Variants in ITSN2 observed in about 807,000 individuals in gnomAD.
The protein encoded by ITSN2 is intersectin 2.
ITSN2 carries 156 observed loss-of-function variants against 243.7 expected under a neutral mutation model. The ratio of observed to expected loss-of-function variants is 0.64; its 90% confidence interval spans 0.56 to 0.73. The LOEUF is 0.73. Among genes scored for constraint, ITSN2 ranks in the 30% least tolerant of loss-of-function variants. The pLI, the probability that ITSN2 is intolerant of heterozygous loss-of-function variation, is 0.00. For missense variants in ITSN2, 1,801 were observed against 1,996.1 expected (o/e 0.90, Z 1.86); for synonymous variants, 703 against 699.9 (o/e 1.00, Z -0.07).
chr2:24,284,122 G>A (rs968272097), intron 17 of ITSN2, among the ~76,000 whole-genome samples: 1 of 152,122 alleles, frequency 6.6e-6, no homozygotes, highest in Admixed American at 6.6e-5. Flanking sequence ...GAGTCAGCAA[G>A]CAGTAAACAT....
Position 24,204,470 on chromosome 2 carries a change from C to T in ITSN2, c.4763-52G>A, listed in dbSNP as rs753707947. On this transcript the variant is annotated intron_variant, in intron 38 of 39. Transcript: ENST00000355123. The surrounding 1 kb of genome is among the most constrained non-coding windows in gnomAD (Gnocchi z 5.1). The stretch of plus-strand genomic sequence containing the variant: ...TGTGGTGCATGCAGGTAAAACGAAG[C>T]GACTGACAGTGCCCTCCCTGAGCAG... 3.3e-5 allele frequency: 51 copies of T among 1,532,880 alleles called. No homozygotes were observed. The East Asian group carries it at 5.6e-4, about 17-fold the overall frequency. The allele number at this position is 1,532,880 out of a possible 1,614,324, so 95.0% of individuals were successfully genotyped here.
intron 36 of ITSN2, among the ~76,000 whole-genome samples, chr2:24,208,581 C>T (rs1010903800): frequency 2.6e-5 from 4 of 152,202 alleles, no homozygotes; most frequent in East Asian, 3.8e-4. Flanking sequence ...ATTGGCCCCA[C>T]GGATGATACC....
At chr2:24,270,878 A>G in intron 19 of ITSN2, 110 bp from the exon 20 acceptor site, 1 of 609,126 alleles carries the variant, frequency 1.6e-6, no homozygotes, top group South Asian at 2.2e-5. Flanking sequence ...CAAATACTAC[A>G]ATGAAAATCC....
At chr2:24,209,072 AG>A in intron 36 of ITSN2, 27 bp downstream of exon 36, 1 of 1,611,894 alleles carries the variant, frequency 6.2e-7, no homozygotes, top group Non-Finnish European at 8.5e-7. Flanking sequence ...CCAGAGTTCA[AG>A]GCAGGCCACA....
rs116737077 is a variant in ITSN2, at chr2:24,253,944, A to G, written c.2953+423T>C. 4.9e-3 allele frequency among the ~76,000 whole-genome samples: 739 copies of G among 152,312 alleles called. 10 individuals carry two copies. The highest frequency in any genetic ancestry group is 0.017 in the African/African-American group (721 of 41,582). On this transcript the variant is annotated intron_variant, in intron 24 of 39. Transcript: ENST00000355123. ...AATCAAACAACCCAAAGGGATATAG[A>G]AAAAAATTCTTTGCAATACTTATGA...
rs796148015 is a variant in ITSN2, at chr2:24,211,860, C to A, written c.4089+790G>T. 5.9e-5 allele frequency among the ~76,000 whole-genome samples: 9 copies of A among 152,260 alleles called. No individual in the cohort carries two copies. Among genetic ancestry groups the A allele is most frequent in the African/African-American group, 2.2e-4 (9 of 41,542 alleles). Reference sequence around the variant, plus strand: ...CCGAATTCTGAAACACATCTGGCCCCAAGTATTTCAATGAAGGGGCTGTGA... The same window carrying A: ...CCGAATTCTGAAACACATCTGGCCCAAAGTATTTCAATGAAGGGGCTGTGA... On this transcript the variant is annotated intron_variant, in intron 33 of 39. Coordinates refer to ENST00000355123, the MANE Select transcript of ITSN2 (RefSeq NM_006277.3). The surrounding 1 kb of genome is among the most constrained non-coding windows in gnomAD (Gnocchi z 4.1).
intron 31 of ITSN2, among the ~76,000 whole-genome samples, chr2:24,217,681 AT>A (rs564073111): frequency 1.3e-5 from 2 of 152,122 alleles, no homozygotes. Flanking sequence ...TAATGATTTA[AT>A]TTTTTCTTTA....
chr2:24,313,087 T>C, intron 4 of ITSN2, among the ~76,000 whole-genome samples: 1 of 150,990 alleles, frequency 6.6e-6, no homozygotes, highest in African/African-American at 2.4e-5. Context: ...AATACCTTTT[T>C]TTTTTTTTTT....
At chr2:24,297,180 T>C (rs1681079313) in intron 13 of ITSN2, among the ~76,000 whole-genome samples, 1 of 152,184 alleles carries the variant, frequency 6.6e-6, no homozygotes, top group Non-Finnish European at 1.5e-5. Flanking sequence ...AAAGATATTG[T>C]GATGATTAAA....
chr2:24,255,038 C>T (rs191127779), intron 23 of ITSN2, among the ~76,000 whole-genome samples: 322 of 152,314 alleles, frequency 2.1e-3, no homozygotes, highest in Middle Eastern at 6.8e-3. Flanking sequence ...CTTATTACAA[C>T]TACTGGTCAC....
intron 18 of ITSN2, among the ~76,000 whole-genome samples, chr2:24,272,669 C>T (rs967141434): frequency 6.6e-6 from 1 of 152,114 alleles, no homozygotes; most frequent in Non-Finnish European, 1.5e-5. Flanking sequence ...CTCCTGGCCT[C>T]AAGTAATCTT....
chr2:24,297,177 T>C (rs1344362254), intron 13 of ITSN2, among the ~76,000 whole-genome samples: 12 of 152,220 alleles, frequency 7.9e-5, no homozygotes, highest in Non-Finnish European at 1.8e-4. Context: ...ACTAAAGATA[T>C]TGTGATGATT....
chr2:24,361,320 G>A, upstream of ITSN2, among the ~76,000 whole-genome samples: 1 of 152,118 alleles, frequency 6.6e-6, no homozygotes, highest in East Asian at 1.9e-4. Context: ...CAAAAGACCA[G>A]ACTTCAACTC....
At chr2:24,206,368 G>C in intron 37 of ITSN2, 1 of 259,784 alleles carries the variant, frequency 3.8e-6, no homozygotes, top group Admixed American at 5.9e-5. Flanking sequence ...GGGGGGGCCC[G>C]GCGGGAAGGA....
At chr2:24,253,963 CT>C (rs1226413586) in intron 24 of ITSN2, among the ~76,000 whole-genome samples, 2 of 152,142 alleles carry the variant, frequency 1.3e-5, no homozygotes, top group Non-Finnish European at 2.9e-5. Context: ...CTTTGCAATA[CT>C]TATGATAAAG....
intron 31 of ITSN2, 38 bp downstream of exon 31, chr2:24,217,869 G>C: frequency 7.0e-7 from 1 of 1,431,168 alleles, no homozygotes; most frequent in Non-Finnish European, 9.9e-7. Flanking sequence ...TGGGGGCTTT[G>C]GGGTCAGCGG....
chr2:24,330,035 T>C (rs2151849857), intron 1 of ITSN2, among the ~76,000 whole-genome samples: 2 of 152,340 alleles, frequency 1.3e-5, no homozygotes, highest in South Asian at 4.1e-4. Flanking sequence ...AGGGCCCTTA[T>C]TCATTAGTTT....
At chr2:24,253,987 C>T (rs1462963158) in intron 24 of ITSN2, among the ~76,000 whole-genome samples, 1 of 152,010 alleles carries the variant, frequency 6.6e-6, no homozygotes, top group African/African-American at 2.4e-5. Context: ...TACCTTGGTC[C>T]TCCTTAATGA....
At chr2:24,262,935 G>C (rs1270284798) in intron 20 of ITSN2, among the ~76,000 whole-genome samples, 1 of 151,932 alleles carries the variant, frequency 6.6e-6, no homozygotes, top group Non-Finnish European at 1.5e-5. Flanking sequence ...CCAAACTACT[G>C]AATTTGTCAT....
Sources: allele counts gnomAD v4.1 joint callset (sites outside exome capture counted in the v4.1 genomes callset), GRCh38; gene constraint gnomAD v4.1.1; non-coding constraint Gnocchi (gnomAD v3.1); transcripts MANE v1.5; gene names NCBI Gene and HGNC (gene_info 2026-07-23, HGNC 2026-07-21).